AKAP19: variants seen among roughly 807,000 people sequenced by gnomAD.
AKAP19 encodes small A-kinase anchoring protein.
At chr2:190,151,541 A>G in the AKAP19 span, among the ~76,000 whole-genome samples, 3 of 152,192 alleles carry the variant, frequency 2.0e-5, no homozygotes, top group African/African-American at 7.2e-5. Flanking sequence ...GACATGCTCT[A>G]GTTCCTTTTT....
the AKAP19 span, among the ~76,000 whole-genome samples, chr2:190,093,053 C>A: frequency 1.3e-5 from 2 of 152,020 alleles, no homozygotes; most frequent in Non-Finnish European, 2.9e-5. Flanking sequence ...TCTGAAGAAA[C>A]TTCAAACCAT....
the AKAP19 span, among the ~76,000 whole-genome samples, chr2:190,147,124 A>G: frequency 1.3e-5 from 2 of 152,314 alleles, no homozygotes; most frequent in Admixed American, 6.5e-5. Flanking sequence ...TAGAATTTTT[A>G]TAGTTTCAGG....
the AKAP19 span, among the ~76,000 whole-genome samples, chr2:190,143,674 T>G: frequency 6.6e-6 from 1 of 152,224 alleles, no homozygotes; most frequent in African/African-American, 2.4e-5. Context: ...TTACTGGGTA[T>G]ATACCCAAAG....
At chr2:189,921,733 A>G in the AKAP19 span, among the ~76,000 whole-genome samples, 2 of 152,216 alleles carry the variant, frequency 1.3e-5, no homozygotes, top group Non-Finnish European at 2.9e-5. Context: ...TAGTTTGAGT[A>G]AAAGAGTAAG....
At chr2:190,189,403 G>C in the AKAP19 span, among the ~76,000 whole-genome samples, 1 of 152,194 alleles carries the variant, frequency 6.6e-6, no homozygotes, top group African/African-American at 2.4e-5. Flanking sequence ...AAGTGGAAGA[G>C]CCAGACCTAT....
At chr2:189,952,784 G>C in the AKAP19 span, among the ~76,000 whole-genome samples, 1 of 152,284 alleles carries the variant, frequency 6.6e-6, no homozygotes, top group Non-Finnish European at 1.5e-5. Flanking sequence ...CGATAACTTT[G>C]AATGTATAGT....
the AKAP19 span, among the ~76,000 whole-genome samples, chr2:189,972,014 T>G: frequency 6.6e-6 from 1 of 152,206 alleles, no homozygotes; most frequent in Admixed American, 6.5e-5. Context: ...ATTTTGGCTT[T>G]TGTTGCCATT....
At chr2:190,112,854 A>G in the AKAP19 span, among the ~76,000 whole-genome samples, 1 of 152,266 alleles carries the variant, frequency 6.6e-6, no homozygotes, top group African/African-American at 2.4e-5. Context: ...CTATACTAGC[A>G]CTATAAAATG....
the AKAP19 span, chr2:189,923,552 A>G: frequency 3.0e-5 from 48 of 1,613,898 alleles, no homozygotes; most frequent in Admixed American, 7.8e-4. Context: ...AGAGGATGGC[A>G]GAATGATTGC....
chr2:190,149,413 A>G, the AKAP19 span, among the ~76,000 whole-genome samples: 1 of 152,088 alleles, frequency 6.6e-6, no homozygotes, highest in East Asian at 1.9e-4. Context: ...GTGTGACCTT[A>G]GAATGTGAGT....
chr2:190,057,181 C>T, the AKAP19 span: 2 of 1,543,322 alleles, frequency 1.3e-6, no homozygotes, highest in Admixed American at 1.7e-5. Context: ...GCCTGTGGTA[C>T]TTAATTTCAC....
the AKAP19 span, chr2:190,057,218 C>A: frequency 1.1e-4 from 180 of 1,610,736 alleles, no homozygotes; most frequent in Middle Eastern, 2.6e-3. Context: ...AGGGGAAAAC[C>A]TTCCATGTTT....
At chr2:190,174,635 T>C in the AKAP19 span, among the ~76,000 whole-genome samples, 6 of 152,178 alleles carry the variant, frequency 3.9e-5, no homozygotes, top group Non-Finnish European at 8.8e-5. Context: ...AAGTGACTCA[T>C]ACTGAAAGGC....
At chr2:190,038,956 TTCTTCTTCTTCTTCTTTC>T in the AKAP19 span, among the ~76,000 whole-genome samples, 2 of 146,304 alleles carry the variant, frequency 1.4e-5, no homozygotes, top group African/African-American at 5.2e-5. Flanking sequence ...CTTCTTCTTC[TTCTTCTTCTTCTTCTTTC>T]TTCTTCTTCT....
the AKAP19 span, among the ~76,000 whole-genome samples, chr2:190,147,034 A>G: frequency 2.7e-4 from 41 of 152,114 alleles, no homozygotes; most frequent in African/African-American, 9.2e-4. Context: ...CTTTGTTTTT[A>G]TTGCATTTGC....
the AKAP19 span, among the ~76,000 whole-genome samples, chr2:190,166,492 G>T: frequency 6.6e-6 from 1 of 151,398 alleles, no homozygotes; most frequent in Non-Finnish European, 1.5e-5. Flanking sequence ...AAAACTATAG[G>T]TCGATATCAC....
the AKAP19 span, among the ~76,000 whole-genome samples, chr2:189,956,274 A>G: frequency 7.4e-6 from 1 of 135,566 alleles, no homozygotes; most frequent in Non-Finnish European, 1.5e-5. Context: ...GGTTCACGCC[A>G]TTCTCCTGCC....
chr2:189,924,030 A>G, the AKAP19 span: 1 of 1,557,116 alleles, frequency 6.4e-7, no homozygotes, highest in Non-Finnish European at 8.9e-7. Flanking sequence ...GTGAAGAAAG[A>G]TGAGACTAAT....
chr2:189,880,050 T>G, the AKAP19 span, among the ~76,000 whole-genome samples: 2 of 152,160 alleles, frequency 1.3e-5, no homozygotes, highest in African/African-American at 4.8e-5. Flanking sequence ...GAACGGATTT[T>G]TGTTACTTTC....
Sources: gnomAD v4.1 joint callset for allele counts (sites outside exome capture counted in the v4.1 genomes callset) on GRCh38, gnomAD v4.1.1 for gene constraint, MANE v1.5 for transcripts, NCBI Gene and HGNC (gene_info 2026-07-23, HGNC 2026-07-21) for gene names.